ZRANB3: variants seen among roughly 807,000 people sequenced by gnomAD.
ZRANB3 encodes the protein zinc finger RANBP2-type containing 3.
In ZRANB3, 125 loss-of-function variants were observed where a neutral mutation model predicts 133.8. That is an observed-to-expected ratio of 0.93 (90% confidence interval 0.81 to 1.08). The LOEUF is 1.08. ZRANB3 is among the 50% of genes least tolerant of loss of function. The pLI is 0.00. For missense variants in ZRANB3, 1,229 were observed against 1,275.5 expected, an observed-to-expected ratio of 0.96 and a Z score of 0.56; for synonymous variants, 387 against 432.7, an observed-to-expected ratio of 0.89 and a Z score of 1.31.
At chr2:135,516,761 C>G (rs1421376661) in intron 1 of ZRANB3, among the ~76,000 whole-genome samples, 1 of 152,094 alleles carries the variant, frequency 6.6e-6, no homozygotes, top group Non-Finnish European at 1.5e-5. Context: ...TGTGGTTGCT[C>G]TTCTCAAGGA....
intron 2 of ZRANB3, among the ~76,000 whole-genome samples, chr2:135,415,583 G>T (rs1688529469): frequency 9.9e-5 from 15 of 152,160 alleles, no homozygotes. Flanking sequence ...TAAAAAAAGA[G>T]GGAATCCTCC....
intron 8 of ZRANB3, among the ~76,000 whole-genome samples, chr2:135,302,821 GC>G (rs35011105): frequency 6.6e-6 from 1 of 152,104 alleles, no homozygotes; most frequent in South Asian, 2.1e-4. Context: ...ACTGCGCCCG[GC>G]CCCAACTAGG....
intron 6 of ZRANB3, among the ~76,000 whole-genome samples, chr2:135,317,740 G>C (rs1307392266): frequency 1.3e-5 from 2 of 152,192 alleles, no homozygotes; most frequent in Non-Finnish European, 2.9e-5. Flanking sequence ...ACACTATTGA[G>C]AGAAGTTTCA....
At chr2:135,388,409 G>C (rs1275469807) in intron 3 of ZRANB3, among the ~76,000 whole-genome samples, 3 of 152,134 alleles carry the variant, frequency 2.0e-5, no homozygotes, top group African/African-American at 7.2e-5. Flanking sequence ...ATAGATTTAA[G>C]GTGCATCTAG....
chr2:135,505,065 A>G (rs1693113883), intron 1 of ZRANB3, among the ~76,000 whole-genome samples: 1 of 152,148 alleles, frequency 6.6e-6, no homozygotes, highest in Non-Finnish European at 1.5e-5. Flanking sequence ...AATCCACAGT[A>G]TAGCACTTTG....
At chr2:135,294,411 G>A (rs1448156165) in intron 8 of ZRANB3, among the ~76,000 whole-genome samples, 3 of 151,822 alleles carry the variant, frequency 2.0e-5, no homozygotes, top group East Asian at 1.9e-4. Context: ...CTCTGATGGT[G>A]GTTTGTATTT....
At chr2:135,295,433 GA>G (rs1272826243) in intron 8 of ZRANB3, among the ~76,000 whole-genome samples, 1 of 152,126 alleles carries the variant, frequency 6.6e-6, no homozygotes, top group Non-Finnish European at 1.5e-5. Flanking sequence ...TTGCTTGGTA[GA>G]TCTTCCTCCA....
chr2:135,249,806 G>A (rs1679295902), intron 12 of ZRANB3, among the ~76,000 whole-genome samples: 2 of 152,184 alleles, frequency 1.3e-5, no homozygotes, highest in Admixed American at 1.3e-4. Flanking sequence ...CCAGCCATGT[G>A]GAACTTTAAG....
chr2:135,488,572 A>G lies in ZRANB3; in HGVS notation c.161+15757T>C, dbSNP rs1303629690. Among the ~76,000 whole-genome samples, 4 of 151,412 alleles carry G rather than the reference A, an allele frequency of 2.6e-5. No individual in the cohort carries two copies. In the East Asian group the frequency reaches 7.7e-4, roughly 29 times the overall value. The stretch of plus-strand genomic sequence containing the variant: ...ACTATATTTGAATATACTATATAGC[A>G]TAATTTGTAAAAACCACAATATATG... On this transcript the variant is annotated intron_variant, in intron 2 of 20. Coordinates refer to ENST00000264159, the MANE Select transcript of ZRANB3 (RefSeq NM_032143.4).
chr2:135,351,777 T>C (rs1480844590), intron 4 of ZRANB3, among the ~76,000 whole-genome samples: 2 of 152,310 alleles, frequency 1.3e-5, no homozygotes, highest in East Asian at 3.9e-4. Context: ...GTGGACATAT[T>C]GGTATACACC....
intron 6 of ZRANB3, among the ~76,000 whole-genome samples, chr2:135,332,095 G>C (rs1043872135): frequency 6.6e-6 from 1 of 151,986 alleles, no homozygotes; most frequent in African/African-American, 2.4e-5. Context: ...AAAATAATTA[G>C]ATCTATAGAC....
chr2:135,285,921 G>C (rs1210266265), intron 8 of ZRANB3, among the ~76,000 whole-genome samples: 1 of 152,046 alleles, frequency 6.6e-6, no homozygotes, highest in Admixed American at 6.6e-5. Context: ...ACATTACAAA[G>C]CAACAAAAAT....
In ZRANB3 at chr2:135,210,954, G is replaced by A. The variant is rs898874021; in HGVS notation, c.2496-1976C>T. 8.5e-5 allele frequency among the ~76,000 whole-genome samples: 13 copies of A among 152,134 alleles called. 1 individual carries two copies. The East Asian group carries it at 2.3e-3, about 27-fold the overall frequency. ...TGAGGCAGGAGAACCGCTTGAACCA[G>A]GAAGATGGAGGGTGCAGTGAACTGA... is the stretch of plus-strand genomic sequence containing the variant. On this transcript the variant is annotated intron_variant, in intron 17 of 20. Coordinates refer to ENST00000264159, the MANE Select transcript of ZRANB3 (RefSeq NM_032143.4).
chr2:135,328,549 A>G (rs1295297469), intron 6 of ZRANB3, among the ~76,000 whole-genome samples: 2 of 149,440 alleles, frequency 1.3e-5, no homozygotes, highest in Non-Finnish European at 3.0e-5. Flanking sequence ...TTATAGCAGC[A>G]TGACTTATAA....
intron 2 of ZRANB3, among the ~76,000 whole-genome samples, chr2:135,392,130 T>TA (rs1204491573): frequency 6.6e-6 from 1 of 151,616 alleles, no homozygotes; most frequent in Non-Finnish European, 1.5e-5. Flanking sequence ...CCAGACAACC[T>TA]AAAAAAATAG....
intron 2 of ZRANB3, among the ~76,000 whole-genome samples, chr2:135,400,648 T>G (rs372273177): frequency 2.7e-4 from 41 of 152,348 alleles, no homozygotes; most frequent in East Asian, 2.3e-3. Flanking sequence ...AGGTCACTAA[T>G]TCTTAAAAGG....
chr2:135,390,313 G>A (rs1351561769), intron 3 of ZRANB3, among the ~76,000 whole-genome samples: 1 of 152,098 alleles, frequency 6.6e-6, no homozygotes, highest in African/African-American at 2.4e-5. Flanking sequence ...TGTAACAAGA[G>A]CCTCCATTTC....
chr2:135,214,150 A>G (rs552101099), intron 17 of ZRANB3, among the ~76,000 whole-genome samples: 1 of 152,352 alleles, frequency 6.6e-6, no homozygotes, highest in South Asian at 2.1e-4. Context: ...CTAGAAAACT[A>G]GTAATAGCCA....
At chr2:135,251,729 T>C (rs1015221448) in intron 12 of ZRANB3, among the ~76,000 whole-genome samples, 1 of 152,214 alleles carries the variant, frequency 6.6e-6, no homozygotes, top group African/African-American at 2.4e-5. Context: ...CATGTGGAAC[T>C]GTGATTCCAA....
Sources: allele counts gnomAD v4.1 joint callset (sites outside exome capture counted in the v4.1 genomes callset), GRCh38; gene constraint gnomAD v4.1.1; transcripts MANE v1.5; gene names NCBI Gene and HGNC (gene_info 2026-07-23, HGNC 2026-07-21).